The following INVS variants were observed in gnomAD, a reference collection of about 807,000 sequenced individuals.
INVS encodes the protein inversin.
In INVS, 86 loss-of-function variants were observed where a neutral mutation model predicts 108.8. The observed-to-expected ratio is 0.79, with a 90% confidence interval of 0.66 to 0.95. The LOEUF is 0.95. Among genes scored for constraint, INVS ranks in the 40% least tolerant of loss-of-function variants. The pLI is 0.00. For missense variants in INVS, 1,169 were observed against 1,297.4 expected (o/e 0.90, Z 1.52); for synonymous variants, 455 against 473.5 (o/e 0.96, Z 0.51).
intron 12 of INVS, among the ~76,000 whole-genome samples, chr9:100,283,219 G>T (rs752730754): frequency 1.3e-5 from 2 of 152,144 alleles, no homozygotes; most frequent in African/African-American, 2.4e-5. Context: ...TGGGAGGATC[G>T]CTTGAGCCTG....
At chr9:100,183,971 A>G (rs1211934951) in intron 3 of INVS, among the ~76,000 whole-genome samples, 1 of 152,074 alleles carries the variant, frequency 6.6e-6, no homozygotes, top group Non-Finnish European at 1.5e-5. Flanking sequence ...TCTACAGCAT[A>G]AAGTATGGGG....
At chr9:100,187,962 G>A (rs925965571) in intron 3 of INVS, among the ~76,000 whole-genome samples, 3 of 152,178 alleles carry the variant, frequency 2.0e-5, no homozygotes, top group Non-Finnish European at 4.4e-5. Flanking sequence ...TTTAGTTCAT[G>A]ATTTGATGCT....
At chr9:100,103,844 C>T (rs1188715367) in intron 1 of INVS, among the ~76,000 whole-genome samples, 3 of 152,056 alleles carry the variant, frequency 2.0e-5, no homozygotes, top group Non-Finnish European at 4.4e-5. Context: ...AGTCACCATG[C>T]CCAGCCCTAA....
chr9:100,188,824 T>C (rs1208469902), intron 3 of INVS, among the ~76,000 whole-genome samples: 1 of 151,766 alleles, frequency 6.6e-6, no homozygotes, highest in Admixed American at 6.6e-5. Flanking sequence ...CCTTGGGCGT[T>C]TTTTGTTGTT....
intron 3 of INVS, among the ~76,000 whole-genome samples, chr9:100,188,385 AT>A (rs892676084): frequency 1.8e-4 from 28 of 152,152 alleles, no homozygotes; most frequent in African/African-American, 6.3e-4. Context: ...GGGTTTTTTT[AT>A]AAAGAAATGC....
At chr9:100,159,500 A>C (rs1477693026) in intron 3 of INVS, among the ~76,000 whole-genome samples, 2 of 152,218 alleles carry the variant, frequency 1.3e-5, no homozygotes. Context: ...CCAGGTAGAC[A>C]CAAAGCTATT....
At chr9:100,275,572 A>G (rs989285596) in intron 12 of INVS, among the ~76,000 whole-genome samples, 1 of 152,240 alleles carries the variant, frequency 6.6e-6, no homozygotes, top group Non-Finnish European at 1.5e-5. Flanking sequence ...AACAAACATC[A>G]GGATGCTAAA....
chr9:100,200,892 C>G (rs1192554777), intron 3 of INVS, among the ~76,000 whole-genome samples: 1 of 152,208 alleles, frequency 6.6e-6, no homozygotes, highest in Admixed American at 6.5e-5. Context: ...GCCTACCAAT[C>G]TTCCTGATTC....
chr9:100,248,687 T>C (rs1832125403), intron 8 of INVS, among the ~76,000 whole-genome samples: 1 of 152,140 alleles, frequency 6.6e-6, no homozygotes, highest in African/African-American at 2.4e-5. Context: ...TCTCTCAGCT[T>C]CGTGTTGATC....
rs531933290 is a variant in INVS, at chr9:100,201,076, A to G, written c.274-24986A>G. Among the ~76,000 whole-genome samples the G allele has an allele frequency of 2.4e-4, 37 of 152,378 alleles. No individual in the cohort carries two copies. In the Middle Eastern group the frequency reaches 0.01, roughly 42 times the overall value. On this transcript the variant is annotated intron_variant, in intron 3 of 16. Transcript: ENST00000262457. The stretch of plus-strand genomic sequence containing the variant: ...CATAGATTCAGCTGTTAAAAAGACC[A>G]TAAGTCCAAATTGATTTAGACAGTT...
intron 3 of INVS, among the ~76,000 whole-genome samples, chr9:100,197,503 AGTGGGGT>A (rs1281710262): frequency 6.6e-6 from 1 of 152,230 alleles, no homozygotes; most frequent in African/African-American, 2.4e-5. Context: ...GTCTCTGTGG[AGTGGGGT>A]GCACCACCCT....
At chr9:100,117,673 A>G in intron 2 of INVS, 1 of 594,952 alleles carries the variant, frequency 1.7e-6, no homozygotes, top group Non-Finnish European at 3.0e-6. Context: ...TCGGAGAAGA[A>G]GCAGTTATAG....
chr9:100,126,697 C>A, intron 3 of INVS, 148 bp downstream of exon 3: 1 of 788,876 alleles, frequency 1.3e-6, no homozygotes, highest in Non-Finnish European at 2.1e-6. Flanking sequence ...TGTCTTTAAG[C>A]TGCAGAGAGT....
At chr9:100,265,126 G>A (rs1168342962) in intron 11 of INVS, among the ~76,000 whole-genome samples, 198 bp downstream of exon 11, 1 of 151,934 alleles carries the variant, frequency 6.6e-6, no homozygotes, top group African/African-American at 2.4e-5. Context: ...TGTATTTTTA[G>A]TAGAGATGGG....
chr9:100,205,686 A>G (rs942447618), intron 3 of INVS, among the ~76,000 whole-genome samples: 1 of 151,734 alleles, frequency 6.6e-6, no homozygotes, highest in Non-Finnish European at 1.5e-5. Flanking sequence ...AATAATTATA[A>G]TTAATTATAA....
intron 3 of INVS, among the ~76,000 whole-genome samples, chr9:100,167,135 G>A (rs1035374677): frequency 1.3e-5 from 2 of 151,892 alleles, no homozygotes; most frequent in Non-Finnish European, 2.9e-5. Flanking sequence ...AGAGGCTGGG[G>A]TACAAGAATC....
chr9:100,147,266 A>T (rs1159877956), intron 3 of INVS, among the ~76,000 whole-genome samples: 2 of 152,216 alleles, frequency 1.3e-5, no homozygotes, highest in African/African-American at 4.8e-5. Flanking sequence ...AACCACAAAC[A>T]TAAAGTCAAA....
chr9:100,164,432 A>T (rs1366458813), intron 3 of INVS, among the ~76,000 whole-genome samples: 2 of 152,096 alleles, frequency 1.3e-5, no homozygotes, highest in Admixed American at 6.6e-5. Context: ...CTCATTTTTT[A>T]AAATGTTTTC....
intron 14 of INVS, among the ~76,000 whole-genome samples, chr9:100,294,312 T>C (rs143672562): frequency 4.9e-4 from 75 of 152,292 alleles, no homozygotes; most frequent in African/African-American, 1.7e-3. Context: ...AGACGTTCTC[T>C]CCTTAACATT....
Sources: gnomAD v4.1 joint callset for allele counts (sites outside exome capture counted in the v4.1 genomes callset) on GRCh38, gnomAD v4.1.1 for gene constraint, MANE v1.5 for transcripts, NCBI Gene and HGNC (gene_info 2026-07-23, HGNC 2026-07-21) for gene names.